Variants in SOX5 observed in about 807,000 individuals in gnomAD.
SOX5 encodes the protein SRY-box transcription factor 5.
In SOX5, 9 loss-of-function variants were observed where a neutral mutation model predicts 92.0. The observed-to-expected ratio is 0.10, with a 90% CI of 0.06 to 0.17. The LOEUF (loss-of-function observed/expected upper bound fraction) is 0.17, where lower values mean the gene tolerates loss of function less well. Among genes scored for constraint, SOX5 ranks in the 10% least tolerant of loss-of-function variants. The probability of loss-of-function intolerance (pLI) is 1.00; values close to 1 mark genes in which losing one functional copy is unlikely to be tolerated. For synonymous variants in SOX5, 344 were observed against 336.3 expected, an observed-to-expected ratio of 1.02 and a Z score of -0.25; for missense variants, 642 against 944.5, an observed-to-expected ratio of 0.68 and a Z score of 4.20.
chr12:24,258,699 T>C (rs186468633), intron 3 of SOX5, among the ~76,000 whole-genome samples: 4 of 152,342 alleles, frequency 2.6e-5, no homozygotes, highest in Admixed American at 2.6e-4. Flanking sequence ...ATTAGAGCTA[T>C]TTCCTATATC....
chr12:24,553,575 A>G (rs774989028), intron 1 of SOX5, among the ~76,000 whole-genome samples: 8 of 152,208 alleles, frequency 5.3e-5, no homozygotes, highest in African/African-American at 9.7e-5. Flanking sequence ...GCCCTCAGGG[A>G]GCTTACCTTC....
intron 4 of SOX5, among the ~76,000 whole-genome samples, chr12:24,162,261 T>C (rs546530598): frequency 3.3e-5 from 5 of 152,122 alleles, no homozygotes; most frequent in Non-Finnish European, 7.4e-5. Context: ...CTAAAATCTC[T>C]AGCTAATCTA....
chr12:24,246,133 G>T (rs1938639894), intron 3 of SOX5, among the ~76,000 whole-genome samples: 1 of 151,914 alleles, frequency 6.6e-6, no homozygotes, highest in Non-Finnish European at 1.5e-5. Flanking sequence ...TAAAATTTTG[G>T]TTTTAGTCTT....
chr12:23,736,493 C>A (rs532925699), intron 5 of SOX5, among the ~76,000 whole-genome samples: 1 of 151,950 alleles, frequency 6.6e-6, no homozygotes, highest in East Asian at 1.9e-4. Flanking sequence ...CTCTTAACCT[C>A]TATACCTGAA....
At chr12:23,934,593 G>T (rs1425896987) in intron 1 of SOX5, among the ~76,000 whole-genome samples, 1 of 150,544 alleles carries the variant, frequency 6.6e-6, no homozygotes, top group African/African-American at 2.4e-5. Flanking sequence ...TAAACCACCA[G>T]TTTATACAAT....
chr12:24,551,772 T>A (rs1953201371), intron 1 of SOX5, among the ~76,000 whole-genome samples: 3 of 152,218 alleles, frequency 2.0e-5, no homozygotes, highest in Admixed American at 6.5e-5. Context: ...TAAAACCCTG[T>A]CCTCGTCTTA....
intron 1 of SOX5, among the ~76,000 whole-genome samples, chr12:24,532,313 C>G (rs1386213810): frequency 2.6e-5 from 4 of 152,190 alleles, no homozygotes; most frequent in East Asian, 3.9e-4. Context: ...GCCACTATAT[C>G]TAAAACCAAC....
chr12:23,873,175 T>C (rs1186023052), intron 2 of SOX5, among the ~76,000 whole-genome samples: 1 of 152,198 alleles, frequency 6.6e-6, no homozygotes, highest in Admixed American at 6.5e-5. Flanking sequence ...TCATTATCTC[T>C]GATCACTCGA....
At chr12:24,234,650 T>G (rs1964088882) in intron 3 of SOX5, among the ~76,000 whole-genome samples, 1 of 152,226 alleles carries the variant, frequency 6.6e-6, no homozygotes, top group South Asian at 2.1e-4. Context: ...AGTGCTGGAA[T>G]TACCAAAGTG....
intron 4 of SOX5, among the ~76,000 whole-genome samples, chr12:23,968,236 T>A (rs1026499197): frequency 2.0e-5 from 3 of 152,222 alleles, no homozygotes; most frequent in Non-Finnish European, 4.4e-5. Context: ...AAATAAAGTA[T>A]GGCTTTTATC....
chr12:24,014,218 A>T (rs1409664849), intron 4 of SOX5, among the ~76,000 whole-genome samples: 2 of 152,206 alleles, frequency 1.3e-5, no homozygotes, highest in Non-Finnish European at 2.9e-5. Context: ...CTATGACTGG[A>T]AAGCTCAGAT....
chr12:23,765,611 G>C (rs1293544311), intron 3 of SOX5, among the ~76,000 whole-genome samples: 1 of 151,862 alleles, frequency 6.6e-6, no homozygotes, highest in Non-Finnish European at 1.5e-5. Context: ...TATAAAATTA[G>C]TTATGTATAA....
chr12:23,570,108 A>G (rs1947889331), intron 10 of SOX5, among the ~76,000 whole-genome samples: 1 of 152,236 alleles, frequency 6.6e-6, no homozygotes, highest in East Asian at 1.9e-4. Context: ...TATTAGTGCC[A>G]CACAAATCTT....
intron 4 of SOX5, among the ~76,000 whole-genome samples, chr12:24,073,457 C>T (rs181811326): frequency 6.6e-6 from 1 of 152,312 alleles, no homozygotes; most frequent in African/African-American, 2.4e-5. Context: ...GTGCTGGGGA[C>T]ACCTCTGTGA....
At chr12:24,328,608 T>G (rs1251199428) in intron 2 of SOX5, among the ~76,000 whole-genome samples, 2 of 152,206 alleles carry the variant, frequency 1.3e-5, no homozygotes, top group Admixed American at 6.5e-5. Flanking sequence ...TACTCAGATA[T>G]CCACAAAAAG....
chr12:23,887,457 C>A (rs950570276), intron 2 of SOX5, among the ~76,000 whole-genome samples: 2 of 152,032 alleles, frequency 1.3e-5, no homozygotes, highest in African/African-American at 4.8e-5. Flanking sequence ...TTTTAACTTC[C>A]AAATATAAGT....
intron 1 of SOX5, among the ~76,000 whole-genome samples, chr12:24,490,900 T>C (rs1946998586): frequency 6.6e-6 from 1 of 152,102 alleles, no homozygotes; most frequent in Non-Finnish European, 1.5e-5. Flanking sequence ...GGCTAAAAAA[T>C]GATATCACCC....
chr12:23,589,789 A>G (rs1301040528), intron 9 of SOX5, among the ~76,000 whole-genome samples: 2 of 151,950 alleles, frequency 1.3e-5, no homozygotes, highest in African/African-American at 4.8e-5. Flanking sequence ...ATACTGCCTT[A>G]TCTTCCAATG....
At chr12:24,237,580 C>T (rs987488872) in intron 3 of SOX5, among the ~76,000 whole-genome samples, 5 of 149,628 alleles carry the variant, frequency 3.3e-5, no homozygotes, top group East Asian at 1.9e-4. Flanking sequence ...GCCTGGAAGT[C>T]GTAAGACTTT....
Sources: gnomAD v4.1 joint callset for allele counts (sites outside exome capture counted in the v4.1 genomes callset) on GRCh38, gnomAD v4.1.1 for gene constraint, MANE v1.5 for transcripts, NCBI Gene and HGNC (gene_info 2026-07-23, HGNC 2026-07-21) for gene names.